DEAF1: variants seen among roughly 807,000 people sequenced by gnomAD.
DEAF1 encodes deformed epidermal autoregulatory factor 1 homolog.
A neutral mutation model predicts 58.9 loss-of-function variants in DEAF1; 53 were observed. The ratio of observed to expected loss-of-function variants is 0.90; its 90% CI spans 0.72 to 1.13. The LOEUF (loss-of-function observed/expected upper bound fraction) is 1.13, where lower values mean the gene tolerates loss of function less well. Among genes scored for constraint, DEAF1 ranks in the 50% most tolerant of loss-of-function variants. DEAF1 has a pLI of 0.00. For synonymous variants in DEAF1, 385 were observed against 340.4 expected (o/e 1.13, Z -1.44); for missense variants, 685 against 791.4 (o/e 0.87, Z 1.61).
rs1378141469 is a variant in DEAF1, at chr11:670,935, T to TTTTTTG, written c.1503+3600_1503+3601insCAAAAA. Among the ~76,000 whole-genome samples the TTTTTTG allele has an allele frequency of 9.5e-5, 13 of 137,140 alleles. 2 individuals carry two copies. Among genetic ancestry groups the TTTTTTG allele is most frequent in the African/African-American group, 1.4e-4 (5 of 35,858 alleles). 90.0% of individuals were successfully genotyped at this position (137,140 alleles called of 152,430 possible). A position where few individuals can be genotyped will look rare whatever the true frequency, so the allele number is the denominator to read the frequency against. ...ATGTCACCACACCTGGCTAATGTTT[T>TTTTTTG]TTTTTTTTTTTGAGACAGAGTCTCA... On this transcript the variant is annotated intron_variant, in intron 10 of 11. Transcript: ENST00000382409.
chr11:644,658 G>A lies in DEAF1; in HGVS notation c.1594-4C>T. On this transcript the variant is annotated splice_polypyrimidine_tract_variant and splice_region_variant and intron_variant, in intron 11 of 11. Coordinates refer to ENST00000382409, the MANE Select transcript of DEAF1 (RefSeq NM_021008.4). The surrounding 1 kb of genome is among the most constrained non-coding windows in gnomAD (Gnocchi z 4.3). ...TGTGCTGGTGATCCTTCCAGTCCTG[G>A]AAGGGAGGACACACCCATGTCAGCA... 1 of 1,605,368 alleles carries A rather than the reference G, an allele frequency of 6.2e-7. No homozygotes were observed. Among genetic ancestry groups the A allele is most frequent in the Non-Finnish European group, 8.5e-7 (1 of 1,177,044 alleles).
intron 10 of DEAF1, chr11:674,023 G>T: frequency 4.5e-6 from 1 of 220,396 alleles, no homozygotes; most frequent in Non-Finnish European, 9.2e-6. Flanking sequence ...GAAAACATGG[G>T]CACTACGCCC....
intron 1 of DEAF1, chr11:704,930 T>G: frequency 5.8e-6 from 2 of 347,384 alleles, no homozygotes; most frequent in South Asian, 4.4e-5. Context: ...ACCGAGGGGT[T>G]GGCGTGTGTG....
chr11:660,750 G>C (rs1859284771), intron 10 of DEAF1, among the ~76,000 whole-genome samples: 1 of 152,222 alleles, frequency 6.6e-6, no homozygotes, highest in Non-Finnish European at 1.5e-5. Flanking sequence ...GGCCTATTTG[G>C]CTCACGTGAG....
At chr11:657,636 C>T (rs1035310069) in intron 10 of DEAF1, among the ~76,000 whole-genome samples, 1 of 152,200 alleles carries the variant, frequency 6.6e-6, no homozygotes, top group Non-Finnish European at 1.5e-5. Context: ...AGACACCTGA[C>T]TCTGGTGAGG....
intron 10 of DEAF1, among the ~76,000 whole-genome samples, chr11:670,789 T>G (rs970817524): frequency 1.4e-5 from 2 of 146,952 alleles, no homozygotes; most frequent in South Asian, 2.1e-4. Flanking sequence ...TTTTTTTTTT[T>G]TTTTTTGAGA....
At position 681,089 on chromosome 11, in the gene DEAF1, T is replaced by G; in HGVS notation, c.871A>C (p.Ser291Arg). Residue 291 changes from serine (S) to arginine (R), a missense_variant and splice_region_variant, in exon 7 of 12, where the codon AGT becomes CGT. By Grantham distance (110) the Ser-to-Arg change is moderately radical (BLOSUM62 -1). Around this residue, in one of 3 missense-constraint regions of DEAF1, gnomAD observed 343 missense variants for 379.8 expected, o/e 0.90. Transcript: ENST00000382409. ...CAACCDDMTLSGPVRLFVPYK... is the reference protein window; with the variant it reads ...CAACCDDMTLRGPVRLFVPYK... ...GGCACAAAAAGCCTGACTGGGCCAC[T>G]CTGGGGGAGAAAGGAGAGAGGCCAC... The G allele has an allele frequency of 6.2e-7, 1 of 1,613,998 alleles. No homozygotes were observed. The highest frequency in any genetic ancestry group is 8.5e-7 in the Non-Finnish European group (1 of 1,180,038).
rs187523180 is a variant in DEAF1, at chr11:674,719, C to T, written c.1320G>A (p.Ala440=). The T allele has an allele frequency of 3.0e-5, 48 of 1,613,894 alleles. No individual in the cohort carries two copies. The Middle Eastern group carries it at 1.2e-3, about 39-fold the overall frequency. ...CTGACAGCTCCAGCCCATTGACCAA[C>T]GCGGGAGGTGCCGCTTTGGTGGGAG... ...PPTPTKAAPP[A]LVNGLELSEP... The change falls in exon 10 of 12, where the codon GCG becomes GCA. Residue 440 remains alanine (A), a synonymous_variant. Transcript: ENST00000382409.
Position 648,485 on chromosome 11 carries a change from G to A in DEAF1, c.1594-3831C>T, listed in dbSNP as rs183469046. Among the ~76,000 whole-genome samples the A allele has an allele frequency of 3.2e-3, 487 of 152,248 alleles. 1 individual carries two copies. Among genetic ancestry groups the A allele is most frequent in the Non-Finnish European group, 5.6e-3 (381 of 68,022 alleles). ...GCTGGGATTACAGGCGTGAGCCACCGTGCCCAGCTGAAGGCAGCTTTTTAA... is the reference window on the plus strand; with the variant it reads ...GCTGGGATTACAGGCGTGAGCCACCATGCCCAGCTGAAGGCAGCTTTTTAA... On this transcript the variant is annotated intron_variant, in intron 11 of 11. Coordinates refer to ENST00000382409, the MANE Select transcript of DEAF1 (RefSeq NM_021008.4).
chr11:679,820 G>A lies in DEAF1; in HGVS notation c.998-4C>T, dbSNP rs761012743. The A allele has an allele frequency of 1.9e-6, 3 of 1,613,144 alleles. No homozygotes were observed. The highest frequency in any genetic ancestry group is 1.7e-5 in the Admixed American group (1 of 60,028). On this transcript the variant is annotated splice_polypyrimidine_tract_variant and splice_region_variant and intron_variant, in intron 7 of 11. Transcript: ENST00000382409. ...TGTCCCGAGGGGGTCACGGTGACTGGAAAGGCAGAAGCACATTTCACGCGG... is the reference window on the plus strand; with the variant it reads ...TGTCCCGAGGGGGTCACGGTGACTGAAAAGGCAGAAGCACATTTCACGCGG...
At position 704,792 on chromosome 11, in the gene DEAF1, A is replaced by T. The variant is rs560832770; in HGVS notation, c.-438+1780T>A. ...TCTCCTGAGGGCAGGCTCCGCACTCAAAATCGTGTTGACAGGCACCCGTTT... is the reference window on the plus strand; with the variant it reads ...TCTCCTGAGGGCAGGCTCCGCACTCTAAATCGTGTTGACAGGCACCCGTTT... On this transcript the variant is annotated intron_variant, in intron 1 of 11. Coordinates refer to the DEAF1 transcript ENST00000683307. 4.5e-4 allele frequency: 244 copies of T among 542,018 alleles called. 1 individual carries two copies. The highest frequency in any genetic ancestry group is 1.4e-3 in the African/African-American group (69 of 50,894). The allele number at this position is 542,018 out of a possible 1,614,324, so 33.6% of individuals were successfully genotyped here.
intron 10 of DEAF1, among the ~76,000 whole-genome samples, chr11:660,705 C>T (rs548847678): frequency 1.3e-5 from 2 of 152,338 alleles, no homozygotes; most frequent in South Asian, 2.1e-4. Context: ...ATGTTTGATG[C>T]GGAACAGGTG....
chr11:661,517 C>T (rs1859319008), intron 10 of DEAF1, among the ~76,000 whole-genome samples: 1 of 152,006 alleles, frequency 6.6e-6, no homozygotes, highest in African/African-American at 2.4e-5. Flanking sequence ...CAACACCAGC[C>T]TGGCCAACAT....
chr11:676,004 C>T (rs112011902), intron 9 of DEAF1, among the ~76,000 whole-genome samples: 8,356 of 21,532 alleles, frequency 0.39, 1,549 homozygotes, highest in African/African-American at 0.6. Flanking sequence ...TGGCACCCCC[C>T]GGCACCCGAC....
rs1564950341 is a variant in DEAF1 at position 687,854 on chromosome 11, T to C, written c.664+57A>G. The C allele has an allele frequency of 3.1e-6, 5 of 1,603,678 alleles. No homozygotes were observed. The South Asian group carries it at 3.3e-5, about 11-fold the overall frequency. ...TTCATCTTTCTCAGCCCCCAATTTA[T>C]GCTAGGGGGGTTACAAAGGGGAATA... On this transcript the variant is annotated intron_variant, in intron 4 of 11. Coordinates refer to ENST00000382409, the MANE Select transcript of DEAF1 (RefSeq NM_021008.4).
intron 5 of DEAF1, among the ~76,000 whole-genome samples, 175 bp downstream of exon 5, chr11:686,683 G>A (rs772222599): frequency 6.6e-6 from 1 of 152,144 alleles, no homozygotes; most frequent in Admixed American, 6.5e-5. Flanking sequence ...TGAAAGACCC[G>A]GAAACTGAAA....
At chr11:657,204 C>T (rs116537723) in intron 10 of DEAF1, among the ~76,000 whole-genome samples, 2,779 of 152,208 alleles carry the variant, frequency 0.018, 80 homozygotes, top group African/African-American at 0.063. Flanking sequence ...GCCTCACTCT[C>T]TTAAGACTTG....
In DEAF1 at chr11:653,957, C is replaced by A. The variant is rs747284008; in HGVS notation, c.1593+5G>T. 6.2e-7 allele frequency: 1 copy of A among 1,613,716 alleles called. No homozygotes were observed. The highest frequency in any genetic ancestry group is 1.7e-5 in the Admixed American group (1 of 60,010). ...GGCACTGAGCCTGGTGTAGGTGAGA[C>A]CTACCTTGCGTTGGCAGAAGGTGGA... On this transcript the variant is annotated splice_donor_5th_base_variant and intron_variant, in intron 11 of 11. Transcript: ENST00000382409.
chr11:674,872 C>T lies in DEAF1; in HGVS notation c.1256-89G>A, dbSNP rs531108168. ...TCCGTTAAAAATTCTCAGCCGGGCG[C>T]GGTGGCTCACGCCTGTAATCCCAGC... On this transcript the variant is annotated intron_variant, in intron 9 of 11. Coordinates refer to ENST00000382409, the MANE Select transcript of DEAF1 (RefSeq NM_021008.4). The T allele has an allele frequency of 8.1e-5, 126 of 1,561,092 alleles. No individual in the cohort carries two copies. In the Middle Eastern group the frequency reaches 1.2e-3, roughly 14 times the overall value.
Sources: gnomAD v4.1 joint callset for allele counts (sites outside exome capture counted in the v4.1 genomes callset) on GRCh38, gnomAD v4.1.1 for gene constraint, gnomAD v4.1.1 regional missense constraint, Gnocchi (gnomAD v3.1) non-coding constraint, MANE v1.5 for transcripts, NCBI Gene and HGNC (gene_info 2026-07-23, HGNC 2026-07-21) for gene names.